HYAL4: variants seen among roughly 807,000 people sequenced by gnomAD.
HYAL4 encodes hyaluronidase 4, also known as hyaluronidase-4.
A neutral mutation model predicts 35.2 loss-of-function variants in HYAL4; 37 were observed. The ratio of observed to expected loss-of-function variants is 1.05; its 90% CI spans 0.81 to 1.38. The LOEUF (loss-of-function observed/expected upper bound fraction) is 1.38. Among genes scored for constraint, HYAL4 ranks in the 40% most tolerant of loss-of-function variants. HYAL4 has a pLI of 0.00. For missense variants in HYAL4, 572 were observed against 572.4 expected (o/e 1.00, Z 0.01); for synonymous variants, 198 against 203.2 (o/e 0.97, Z 0.22).
the HYAL4 span, among the ~76,000 whole-genome samples, chr7:123,786,694 A>G: frequency 7.9e-5 from 12 of 151,396 alleles, no homozygotes; most frequent in African/African-American, 9.7e-5. Flanking sequence ...TACATTCTCT[A>G]TTTTGGTATG....
chr7:123,795,594 C>T, the HYAL4 span, among the ~76,000 whole-genome samples: 4 of 152,168 alleles, frequency 2.6e-5, no homozygotes, highest in Non-Finnish European at 5.9e-5. Flanking sequence ...TTTTGATCAA[C>T]ACTTCTTGTT....
upstream of HYAL4, among the ~76,000 whole-genome samples, chr7:123,841,588 T>A (rs992890970): frequency 1.3e-5 from 2 of 152,074 alleles, no homozygotes; most frequent in African/African-American, 4.8e-5. Context: ...TCTTAGTACC[T>A]TTGGTAGAAT....
the HYAL4 span, among the ~76,000 whole-genome samples, chr7:123,766,467 T>G: frequency 6.6e-6 from 1 of 152,172 alleles, no homozygotes; most frequent in South Asian, 2.1e-4. Flanking sequence ...AGCTTATTTT[T>G]TTCTTTTCGT....
the HYAL4 span, among the ~76,000 whole-genome samples, chr7:123,784,237 A>G: frequency 6.6e-6 from 1 of 152,228 alleles, no homozygotes; most frequent in Non-Finnish European, 1.5e-5. Flanking sequence ...AGTTCAAACT[A>G]TGTCTAACAA....
At chr7:123,784,553 G>GGAA in the HYAL4 span, among the ~76,000 whole-genome samples, 2 of 152,166 alleles carry the variant, frequency 1.3e-5, no homozygotes, top group Non-Finnish European at 2.9e-5. Flanking sequence ...TAGGAAACCA[G>GGAA]GAAGAAAACA....
intron 1 of HYAL4, among the ~76,000 whole-genome samples, chr7:123,833,064 G>A (rs1374448973): frequency 1.3e-5 from 2 of 152,096 alleles, no homozygotes; most frequent in Admixed American, 6.5e-5. Flanking sequence ...AAACATGCAT[G>A]TGCAATGACT....
chr7:123,851,552 T>TC (rs926835330), intron 2 of HYAL4, among the ~76,000 whole-genome samples: 3 of 152,182 alleles, frequency 2.0e-5, no homozygotes, highest in Non-Finnish European at 2.9e-5. Flanking sequence ...TTCATTCATG[T>TC]CCCCGCAAAG....
At chr7:123,816,021 A>G in the HYAL4 span, among the ~76,000 whole-genome samples, 1 of 152,198 alleles carries the variant, frequency 6.6e-6, no homozygotes, top group Non-Finnish European at 1.5e-5. Flanking sequence ...GAAAAGAATC[A>G]TAGCATTATG....
chr7:123,781,950 A>C, the HYAL4 span, among the ~76,000 whole-genome samples: 7 of 152,052 alleles, frequency 4.6e-5, no homozygotes, highest in Non-Finnish European at 1.5e-5. Context: ...TTTATATCCC[A>C]GGCTGGAGTG....
chr7:123,767,534 C>G, the HYAL4 span, among the ~76,000 whole-genome samples: 3 of 152,178 alleles, frequency 2.0e-5, no homozygotes, highest in South Asian at 6.2e-4. Flanking sequence ...ATATCACCAA[C>G]AAGCTTAGCA....
Position 123,861,062 on chromosome 7 carries a change from TTCC to T in HYAL4, c.-51-7158_-51-7156del, listed in dbSNP as rs778530547. ...CTTTTGACCTCTCAAATGTTTGCCT[TTCC>T]TCTCCACTCTTGTACTCTTAACATT... On this transcript the variant is annotated intron_variant, in intron 2 of 4. Transcript: ENST00000223026. 4.6e-5 allele frequency among the ~76,000 whole-genome samples: 7 copies of T among 152,272 alleles called. No homozygotes were observed. The East Asian group carries it at 1.4e-3, about 29-fold the overall frequency.
At chr7:123,765,060 G>T in the HYAL4 span, among the ~76,000 whole-genome samples, 1 of 152,112 alleles carries the variant, frequency 6.6e-6, no homozygotes, top group African/African-American at 2.4e-5. Context: ...GTACGTAACA[G>T]CTACTTATTT....
intron 3 of HYAL4, among the ~76,000 whole-genome samples, chr7:123,874,218 A>C (rs1273688420): frequency 6.6e-6 from 1 of 152,208 alleles, no homozygotes; most frequent in Non-Finnish European, 1.5e-5. Context: ...CTGCATGGCA[A>C]AATATGTTTT....
chr7:123,846,263 AG>A (rs1263507639), intron 1 of HYAL4, among the ~76,000 whole-genome samples: 2 of 150,894 alleles, frequency 1.3e-5, no homozygotes, highest in Non-Finnish European at 3.0e-5. Context: ...AAGGACCATC[AG>A]GGGGGCAGGG....
At chr7:123,855,132 C>G (rs2116935488) in intron 2 of HYAL4, among the ~76,000 whole-genome samples, 1 of 152,240 alleles carries the variant, frequency 6.6e-6, no homozygotes, top group South Asian at 2.1e-4. Context: ...ATACAGCACA[C>G]CAATGGGACT....
the HYAL4 span, among the ~76,000 whole-genome samples, chr7:123,818,454 C>T: frequency 3.9e-5 from 6 of 152,188 alleles, no homozygotes; most frequent in South Asian, 2.1e-4. Flanking sequence ...TGAAATTTAA[C>T]GTGTTAAGGA....
the HYAL4 span, among the ~76,000 whole-genome samples, chr7:123,779,360 T>C: frequency 6.6e-6 from 1 of 152,052 alleles, no homozygotes; most frequent in African/African-American, 2.4e-5. Context: ...GCAGTGACAA[T>C]GAAGGAGAAT....
chr7:123,795,084 T>A, the HYAL4 span, among the ~76,000 whole-genome samples: 1 of 152,242 alleles, frequency 6.6e-6, no homozygotes, highest in East Asian at 1.9e-4. Context: ...GATAATTTTT[T>A]AACTTTAAGG....
At chr7:123,807,932 T>TATTATC in the HYAL4 span, among the ~76,000 whole-genome samples, 1 of 146,244 alleles carries the variant, frequency 6.8e-6, no homozygotes, top group Non-Finnish European at 1.5e-5. Context: ...TTATTATTAT[T>TATTATC]ATTATTATTA....
Sources: allele counts gnomAD v4.1 joint callset (sites outside exome capture counted in the v4.1 genomes callset), GRCh38; gene constraint gnomAD v4.1.1; transcripts MANE v1.5; gene names NCBI Gene and HGNC (gene_info 2026-07-23, HGNC 2026-07-21).